The following IQGAP2 variants were observed in gnomAD, a reference collection of about 807,000 sequenced individuals.
IQGAP2 encodes the protein IQ motif containing GTPase activating protein 2, also known as ras GTPase-activating-like protein IQGAP2.
IQGAP2 carries 173 observed loss-of-function variants against 201.3 expected under a neutral mutation model. That is an observed-to-expected ratio of 0.86 (90% CI 0.76 to 0.98). The LOEUF is 0.98. Among genes scored for constraint, IQGAP2 ranks in the 50% least tolerant of loss-of-function variants. IQGAP2 has a pLI of 0.00. For synonymous variants in IQGAP2, 675 were observed against 673.9 expected (o/e 1.00, Z -0.03); for missense variants, 1,687 against 1,864.8 (o/e 0.90, Z 1.76).
chr5:76,425,582 T>A (rs187333921), intron 1 of IQGAP2, among the ~76,000 whole-genome samples: 22 of 152,274 alleles, frequency 1.4e-4, no homozygotes, highest in African/African-American at 5.3e-4. Flanking sequence ...TAGAATGATG[T>A]TTCCTGTTCT....
At chr5:76,569,331 G>A (rs1052641846) in intron 3 of IQGAP2, among the ~76,000 whole-genome samples, 1 of 151,944 alleles carries the variant, frequency 6.6e-6, no homozygotes, top group Non-Finnish European at 1.5e-5. Context: ...TTATTCCATT[G>A]TGTGAATGCA....
chr5:76,542,119 G>A (rs1742816500), intron 2 of IQGAP2, among the ~76,000 whole-genome samples: 1 of 151,900 alleles, frequency 6.6e-6, no homozygotes, highest in African/African-American at 2.4e-5. Context: ...GAGTAGGTGG[G>A]ACTATGGGCA....
chr5:76,599,839 C>T (rs775528177), intron 10 of IQGAP2, among the ~76,000 whole-genome samples: 2 of 151,994 alleles, frequency 1.3e-5, no homozygotes, highest in Non-Finnish European at 2.9e-5. Context: ...CCTTATGTCC[C>T]TTCAATATGA....
At position 76,662,209 on chromosome 5, in the gene IQGAP2, T is replaced by G. The variant is rs3797444; in HGVS notation, c.2530-2817T>G. ...ATCCCCATTGCTGTGCCGGGCTCTG[T>G]CCTTGGAGCTCCAGCAGACAGGTGC... On this transcript the variant is annotated intron_variant, in intron 21 of 35. Transcript: ENST00000274364. 7.3e-3 allele frequency among the ~76,000 whole-genome samples: 1,105 copies of G among 152,188 alleles called. 11 individuals carry two copies. The highest frequency in any genetic ancestry group is 0.025 in the African/African-American group (1,022 of 41,546).
rs560823217 is a variant in IQGAP2 at position 76,496,149 on chromosome 5, T to TACGGTA, written c.146+34482_146+34487dup. 5.1e-4 allele frequency among the ~76,000 whole-genome samples: 78 copies of TACGGTA among 152,326 alleles called. 3 individuals are homozygous for TACGGTA. In the East Asian group the frequency reaches 0.012, roughly 23 times the overall value. On this transcript the variant is annotated intron_variant, in intron 2 of 35. Transcript: ENST00000274364. ...GATTACTCACTTTACAGGGAATGAC[T>TACGGTA]ACGGTAATGATATATTTGCTTTCTG...
chr5:76,535,572 A>T (rs750234587), intron 2 of IQGAP2, among the ~76,000 whole-genome samples: 8 of 152,192 alleles, frequency 5.3e-5, no homozygotes, highest in Non-Finnish European at 8.8e-5. Context: ...TGTGATTGCT[A>T]TGCGGCACGC....
At chr5:76,616,534 G>C (rs1748985381) in intron 13 of IQGAP2, 1 of 153,358 alleles carries the variant, frequency 6.5e-6, no homozygotes, top group African/African-American at 2.4e-5. Flanking sequence ...TGGAGGGTAG[G>C]CTGGCAGTGG....
chr5:76,577,181 G>A (rs1462557683), intron 5 of IQGAP2, among the ~76,000 whole-genome samples: 1 of 151,714 alleles, frequency 6.6e-6, no homozygotes, highest in Non-Finnish European at 1.5e-5. Context: ...AGACAACTGG[G>A]ACATTCATGT....
intron 1 of IQGAP2, among the ~76,000 whole-genome samples, chr5:76,451,988 G>C (rs1015659945): frequency 2.6e-5 from 4 of 152,132 alleles, no homozygotes; most frequent in Non-Finnish European, 5.9e-5. Flanking sequence ...AGTGAGCTGA[G>C]ATCACACCAC....
At chr5:76,526,931 C>T (rs1282550886) in intron 2 of IQGAP2, among the ~76,000 whole-genome samples, 2 of 152,160 alleles carry the variant, frequency 1.3e-5, no homozygotes, top group African/African-American at 2.4e-5. Context: ...TTCTGGCTGG[C>T]CACTGAGTGT....
chr5:76,451,076 G>A (rs958350200), intron 1 of IQGAP2, among the ~76,000 whole-genome samples: 1 of 152,048 alleles, frequency 6.6e-6, no homozygotes, highest in Non-Finnish European at 1.5e-5. Context: ...CAGCTCCTTA[G>A]TATATCCCTG....
At chr5:76,642,512 G>T (rs894680790) in intron 17 of IQGAP2, among the ~76,000 whole-genome samples, 10 of 152,140 alleles carry the variant, frequency 6.6e-5, no homozygotes, top group African/African-American at 1.9e-4. Flanking sequence ...AGGCCTAAAG[G>T]TAAGCCTACT....
intron 1 of IQGAP2, among the ~76,000 whole-genome samples, chr5:76,413,565 G>A (rs1037466306): frequency 7.2e-5 from 11 of 152,164 alleles, no homozygotes; most frequent in African/African-American, 2.4e-4. Context: ...ATTAATCCTT[G>A]TGTCTGTATA....
intron 11 of IQGAP2, among the ~76,000 whole-genome samples, chr5:76,602,474 T>C (rs1455337671): frequency 6.6e-6 from 1 of 152,200 alleles, no homozygotes; most frequent in Non-Finnish European, 1.5e-5. Context: ...AAAGAAGTGG[T>C]CCCATTCTAT....
intron 11 of IQGAP2, 43 bp downstream of exon 11, chr5:76,601,015 T>G (rs1747394156): frequency 6.3e-7 from 1 of 1,586,312 alleles, no homozygotes; most frequent in African/African-American, 1.3e-5. Flanking sequence ...CAGAAATGCA[T>G]GTTTGGCAGA....
chr5:76,551,531 C>T lies in IQGAP2; in HGVS notation c.147-10865C>T, dbSNP rs562631410. Among the ~76,000 whole-genome samples, 9 of 152,096 alleles carry T rather than the reference C, an allele frequency of 5.9e-5. 1 individual carries two copies. Among genetic ancestry groups the T allele is most frequent in the East Asian group, 1.9e-4 (1 of 5,142 alleles). On this transcript the variant is annotated intron_variant, in intron 2 of 35. Coordinates refer to ENST00000274364, the MANE Select transcript of IQGAP2 (RefSeq NM_006633.5). Reference sequence around the variant, plus strand: ...CTGGGAGGTGGAGGTTGTAGCGAGCCGAGATCACGTCACTGCACTCCAGCC... The same window carrying T: ...CTGGGAGGTGGAGGTTGTAGCGAGCTGAGATCACGTCACTGCACTCCAGCC...
intron 2 of IQGAP2, among the ~76,000 whole-genome samples, chr5:76,496,737 C>CTTTCTTTCTTTCTTTCT (rs1756952274): frequency 4.7e-5 from 2 of 42,356 alleles, no homozygotes; most frequent in East Asian, 5.8e-4. Context: ...TTCTTTCTTT[C>CTTTCTTTCTTTCTTTCT]TTTCTTTCTT....
rs1746637389 is a variant in IQGAP2 at position 76,695,459 on chromosome 5, A to G, written c.3999A>G (p.Val1333=). ...LETPATAQQE[V]DHATDMVSRA... is the part of the protein sequence containing the mutation. ...TCTTGATATTCTCTTTTCAGGAGGT[A>G]GACCATGCCACGGACATGGTGAGCC... is the stretch of plus-strand genomic sequence containing the variant. Residue 1333 remains valine (V), a synonymous_variant, in exon 32 of 36, where the codon GTA becomes GTG. Transcript: ENST00000274364. 1 of 1,612,990 alleles carries G rather than the reference A, an allele frequency of 6.2e-7. No individual in the cohort carries two copies. Among genetic ancestry groups the G allele is most frequent in the African/African-American group, 1.3e-5 (1 of 74,918 alleles).
chr5:76,415,080 C>A (rs1314541797), intron 1 of IQGAP2, among the ~76,000 whole-genome samples: 1 of 152,160 alleles, frequency 6.6e-6, no homozygotes, highest in African/African-American at 2.4e-5. Flanking sequence ...GTTATAATAT[C>A]TTTTTAGAAG....
Sources: gnomAD v4.1 joint callset for allele counts (sites outside exome capture counted in the v4.1 genomes callset) on GRCh38, gnomAD v4.1.1 for gene constraint, MANE v1.5 for transcripts, NCBI Gene and HGNC (gene_info 2026-07-23, HGNC 2026-07-21) for gene names.